Variants in TNFRSF8 observed in about 807,000 individuals in gnomAD.
The protein encoded by TNFRSF8 is tumor necrosis factor receptor superfamily member 8.
A neutral mutation model predicts 70.8 loss-of-function variants in TNFRSF8; 26 were observed. The observed-to-expected ratio is 0.37, with a 90% CI of 0.27 to 0.51. TNFRSF8 has a LOEUF of 0.51. Among genes scored for constraint, TNFRSF8 ranks in the 20% least tolerant of loss-of-function variants. The pLI, the probability that TNFRSF8 is intolerant of heterozygous loss-of-function variation, is 0.94. For missense variants in TNFRSF8, 720 were observed against 807.9 expected (o/e 0.89, Z 1.32); for synonymous variants, 356 against 339.2 (o/e 1.05, Z -0.54).
chr1:12,070,376 G>A (rs565705504), intron 1 of TNFRSF8, among the ~76,000 whole-genome samples: 3 of 152,036 alleles, frequency 2.0e-5, no homozygotes, highest in Admixed American at 6.5e-5. Flanking sequence ...TTAGCCTCCC[G>A]AGTAGCTGGG....
Position 12,063,720 on chromosome 1 carries a change from G to C in TNFRSF8, c.63+59G>C. On this transcript the variant is annotated intron_variant, in intron 1 of 14. Coordinates refer to ENST00000263932, the MANE Select transcript of TNFRSF8 (RefSeq NM_001243.5). The surrounding 1 kb of genome is among the most constrained non-coding windows in gnomAD (Gnocchi z 7.2). Reference sequence around the variant, plus strand: ...GCGGTCCAGAGCCCGGACAGTGTGGGGTGCGTGGGACGCAAGGGAGGACAC... The same window carrying C: ...GCGGTCCAGAGCCCGGACAGTGTGGCGTGCGTGGGACGCAAGGGAGGACAC... 1 of 1,248,314 alleles carries C rather than the reference G, an allele frequency of 8.0e-7. No homozygotes were observed. The highest frequency in any genetic ancestry group is 3.6e-5 in the South Asian group (1 of 27,906). 77.3% of individuals were successfully genotyped at this position (1,248,314 alleles called of 1,614,324 possible).
At chr1:12,131,729 A>G (rs1642051755) in intron 12 of TNFRSF8, among the ~76,000 whole-genome samples, 1 of 151,346 alleles carries the variant, frequency 6.6e-6, no homozygotes, top group South Asian at 2.1e-4. Context: ...CCTGAGCTCA[A>G]GTGATCTGCC....
Position 12,138,509 on chromosome 1 carries a change from C to G in TNFRSF8, c.1543+73C>G. ...GGAGATGAATACGGGGCCCTGGGCC[C>G]TGGAAGGGACCTGGAGACCCTGGAG... On this transcript the variant is annotated intron_variant, in intron 14 of 14. Transcript: ENST00000263932. This position sits in a 1 kb window ranked among gnomAD's most constrained non-coding sequence, Gnocchi z 5.7. The G allele has an allele frequency of 2.1e-6, 3 of 1,418,136 alleles. No homozygotes were observed. The highest frequency in any genetic ancestry group is 2.8e-6 in the Non-Finnish European group (3 of 1,054,798). The allele number at this position is 1,418,136 out of a possible 1,614,324, so 87.8% of individuals were successfully genotyped here. A position where few individuals can be genotyped will look rare whatever the true frequency, so the allele number is the denominator to read the frequency against.
chr1:12,104,523 A>G lies in TNFRSF8; in HGVS notation c.413A>G (p.Lys138Arg), dbSNP rs763262140. 1.4e-5 allele frequency: 22 copies of G among 1,614,064 alleles called. No individual in the cohort carries two copies. The East Asian group carries it at 2.2e-4, about 16-fold the overall frequency. ...HSVCPAGMIV[K>R]FPGTAQKNTV... ...GTCTGTCCGGCAGGGATGATTGTCA[A>G]GTTCCCAGGTCAGTGTCCCCACCCT... The change falls in exon 4 of 15, where the codon AAG becomes AGG. Residue 138 changes from lysine (K) to arginine (R), a missense_variant. By Grantham distance (26) the Lys-to-Arg change is conservative. Transcript: ENST00000263932.
At chr1:12,080,324 C>T (rs1338875242) in intron 1 of TNFRSF8, 1 of 524,280 alleles carries the variant, frequency 1.9e-6, no homozygotes, top group Non-Finnish European at 3.8e-6. Context: ...CTTCTTCTCT[C>T]CATCCGGCCG....
intron 12 of TNFRSF8, among the ~76,000 whole-genome samples, chr1:12,133,477 C>T (rs1038051206): frequency 3.3e-5 from 5 of 152,078 alleles, no homozygotes; most frequent in Admixed American, 2.6e-4. Flanking sequence ...TGCCGTGGCT[C>T]ACGCCTGTAA....
At chr1:12,068,008 G>C (rs935770494) in intron 1 of TNFRSF8, among the ~76,000 whole-genome samples, 2 of 152,072 alleles carry the variant, frequency 1.3e-5, no homozygotes, top group African/African-American at 2.4e-5. Context: ...CTGGGGTCAG[G>C]GAGTCGTGTT....
rs528952717 is a variant in TNFRSF8, at chr1:12,138,154, A to G, written c.1336-75A>G. 1.0e-5 allele frequency: 15 copies of G among 1,503,052 alleles called. No individual in the cohort carries two copies. The highest frequency in any genetic ancestry group is 2.4e-4 in the Middle Eastern group (1 of 4,244). The allele number at this position is 1,503,052 out of a possible 1,614,324, so 93.1% of individuals were successfully genotyped here. Reference sequence around the variant, plus strand: ...CTGGGGTCTGTAGAGATGAAAAAAAAAAGGGGCCTCCCAGTTCAGAGACTG... The same window carrying G: ...CTGGGGTCTGTAGAGATGAAAAAAAGAAGGGGCCTCCCAGTTCAGAGACTG... On this transcript the variant is annotated intron_variant, in intron 13 of 14. Coordinates refer to ENST00000263932, the MANE Select transcript of TNFRSF8 (RefSeq NM_001243.5). The surrounding 1 kb of genome is among the most constrained non-coding windows in gnomAD (Gnocchi z 5.7).
intron 10 of TNFRSF8, among the ~76,000 whole-genome samples, chr1:12,124,174 T>C (rs2449712): frequency 0.16 from 24,937 of 151,654 alleles, 2,323 homozygotes; most frequent in African/African-American, 0.23. Flanking sequence ...CTGGCTAAAT[T>C]TTTTTTTAAT....
intron 3 of TNFRSF8, among the ~76,000 whole-genome samples, chr1:12,100,281 G>A (rs1641399008): frequency 6.6e-6 from 1 of 152,194 alleles, no homozygotes; most frequent in African/African-American, 2.4e-5. Context: ...TGAGTAAGTG[G>A]TGGGTGAGTG....
chr1:12,067,415 G>A (rs1259193941), intron 1 of TNFRSF8, among the ~76,000 whole-genome samples: 1 of 152,158 alleles, frequency 6.6e-6, no homozygotes, highest in African/African-American at 2.4e-5. Flanking sequence ...GGGGCCGGGC[G>A]CTGTGGCTCA....
rs1641790171 is a variant in TNFRSF8, at chr1:12,119,388, A to G, written c.946+3659A>G. Among the ~76,000 whole-genome samples, 2 of 152,166 alleles carry G rather than the reference A, an allele frequency of 1.3e-5. No homozygotes were observed. The highest frequency in any genetic ancestry group is 6.5e-5 in the Admixed American group (1 of 15,280). ...TTTCTCTGTGCACCTGACCAGAAGC[A>G]TAGACTTCAGGTCAAAAGGACCTAC... On this transcript the variant is annotated intron_variant, in intron 8 of 14. Coordinates refer to ENST00000263932, the MANE Select transcript of TNFRSF8 (RefSeq NM_001243.5). This position sits in a 1 kb window ranked among gnomAD's most constrained non-coding sequence, Gnocchi z 4.4.
chr1:12,133,414 G>C (rs929449968), intron 12 of TNFRSF8, among the ~76,000 whole-genome samples: 3 of 151,962 alleles, frequency 2.0e-5, no homozygotes, highest in African/African-American at 7.3e-5. Flanking sequence ...CACTCTGGAG[G>C]GACCATGATT....
chr1:12,091,515 G>A (rs1280353268), intron 2 of TNFRSF8, among the ~76,000 whole-genome samples: 1 of 152,130 alleles, frequency 6.6e-6, no homozygotes, highest in Non-Finnish European at 1.5e-5. Context: ...CAGGCTCTGG[G>A]TGCTCTGAGA....
chr1:12,121,002 C>G (rs938679588), intron 8 of TNFRSF8, among the ~76,000 whole-genome samples: 3 of 152,210 alleles, frequency 2.0e-5, no homozygotes, highest in African/African-American at 7.2e-5. Context: ...TTACATCAGG[C>G]TGCCTTGGAG....
chr1:12,094,462 C>T (rs1283284784), intron 2 of TNFRSF8, among the ~76,000 whole-genome samples: 1 of 151,940 alleles, frequency 6.6e-6, no homozygotes, highest in Non-Finnish European at 1.5e-5. Context: ...ATAGGTGAGC[C>T]GAACCTCACT....
At chr1:12,114,982 C>T (rs985818004) in intron 7 of TNFRSF8, among the ~76,000 whole-genome samples, 22 of 152,192 alleles carry the variant, frequency 1.4e-4, no homozygotes, top group Admixed American at 2.0e-4. Flanking sequence ...GCCGGGATTA[C>T]AGTCGTGAGC....
intron 12 of TNFRSF8, among the ~76,000 whole-genome samples, chr1:12,130,605 G>A (rs551098126): frequency 1.3e-5 from 2 of 152,224 alleles, no homozygotes; most frequent in Non-Finnish European, 2.9e-5. Flanking sequence ...GAGGGGAGGG[G>A]ACTAAAAGTG....
At chr1:12,140,345 C>G (rs575629811) in intron 14 of TNFRSF8, among the ~76,000 whole-genome samples, 33 of 152,332 alleles carry the variant, frequency 2.2e-4, no homozygotes, top group African/African-American at 6.5e-4. Context: ...CCCTTCCCAT[C>G]CAGTTCCCAA....
Sources: gnomAD v4.1 joint callset for allele counts (sites outside exome capture counted in the v4.1 genomes callset) on GRCh38, gnomAD v4.1.1 for gene constraint, Gnocchi (gnomAD v3.1) non-coding constraint, MANE v1.5 for transcripts, NCBI Gene and HGNC (gene_info 2026-07-23, HGNC 2026-07-21) for gene names.